ATP8A1: variants seen among roughly 807,000 people sequenced by gnomAD.
The protein encoded by ATP8A1 is phospholipid-transporting ATPase IA.
In ATP8A1, 90 loss-of-function variants were observed where a neutral mutation model predicts 177.7. The observed-to-expected ratio is 0.51, with a 90% confidence interval of 0.43 to 0.60. ATP8A1 has a LOEUF of 0.60. ATP8A1 is among the 20% of genes least tolerant of loss of function. ATP8A1 has a pLI of 0.00. For missense variants in ATP8A1, 1,072 were observed against 1,392.8 expected (o/e 0.77, Z 3.67); for synonymous variants, 493 against 485.9 (o/e 1.01, Z -0.19).
At chr4:42,636,558 A>G (rs2109530704) in intron 1 of ATP8A1, among the ~76,000 whole-genome samples, 1 of 152,352 alleles carries the variant, frequency 6.6e-6, no homozygotes, top group South Asian at 2.1e-4. Flanking sequence ...TAAAATGGAA[A>G]CTATTTAGCA....
Position 42,588,256 on chromosome 4 carries a change from T to A in ATP8A1, c.594+4A>T. The A allele has an allele frequency of 6.2e-7, 1 of 1,605,834 alleles. No individual in the cohort carries two copies. The highest frequency in any genetic ancestry group is 1.1e-5 in the South Asian group (1 of 90,798). ...ATTATACATATACTTGTATCAGATC[T>A]TACCTGTCTAATTTTCAAGTTTGTT... On this transcript the variant is annotated splice_donor_region_variant and intron_variant, in intron 8 of 36. Coordinates refer to ENST00000381668, the MANE Select transcript of ATP8A1 (RefSeq NM_006095.2).
intron 14 of ATP8A1, 64 bp downstream of exon 14, chr4:42,574,555 T>G (rs1028589698): frequency 7.5e-7 from 1 of 1,342,200 alleles, no homozygotes; most frequent in South Asian, 1.3e-5. Flanking sequence ...AACTCCCAAA[T>G]GTACCAAACT....
At chr4:42,646,933 T>C (rs1740598848) in intron 1 of ATP8A1, among the ~76,000 whole-genome samples, 1 of 152,222 alleles carries the variant, frequency 6.6e-6, no homozygotes, top group Non-Finnish European at 1.5e-5. Flanking sequence ...CATAAAAGAA[T>C]ACTACTTAAG....
intron 25 of ATP8A1, among the ~76,000 whole-genome samples, chr4:42,470,709 G>A (rs2153184974): frequency 6.6e-6 from 1 of 152,232 alleles, no homozygotes; most frequent in South Asian, 2.1e-4. Context: ...AGAAGAATAT[G>A]AAGGAACATA....
chr4:42,636,806 T>C (rs1169840900), intron 1 of ATP8A1, among the ~76,000 whole-genome samples: 1 of 152,146 alleles, frequency 6.6e-6, no homozygotes, highest in Non-Finnish European at 1.5e-5. Flanking sequence ...CCTCATTGAC[T>C]TAAAAGTCAG....
chr4:42,465,180 C>G (rs2153183138), intron 25 of ATP8A1, 104 bp from the exon 26 acceptor site: 1 of 985,080 alleles, frequency 1.0e-6, no homozygotes, highest in Middle Eastern at 2.6e-4. Context: ...ATGAATAGTT[C>G]TCTGAAGAAA....
intron 21 of ATP8A1, among the ~76,000 whole-genome samples, 181 bp from the exon 22 acceptor site, chr4:42,522,480 T>A (rs1320273289): frequency 6.6e-6 from 1 of 152,210 alleles, no homozygotes; most frequent in Admixed American, 6.5e-5. Context: ...GTTCCCCTGG[T>A]CTTTAAAATT....
At chr4:42,573,599 C>T (rs371617168) in intron 14 of ATP8A1, among the ~76,000 whole-genome samples, 1 of 152,144 alleles carries the variant, frequency 6.6e-6, no homozygotes, top group East Asian at 1.9e-4. Flanking sequence ...CCTTTTTAAC[C>T]TCGTTTATAC....
chr4:42,409,354 A>G lies in ATP8A1; in HGVS notation c.*3562T>C, dbSNP rs1380574471. The G allele has an allele frequency of 6.6e-6, 1 of 152,200 alleles. No individual in the cohort carries two copies. The highest frequency in any genetic ancestry group is 1.5e-5 in the Non-Finnish European group (1 of 67,990). 9.4% of individuals were successfully genotyped at this position (152,200 alleles called of 1,614,324 possible). ...TTGAAGGTTAATTAAAATGCAGCAA[A>G]GTATAACTACGTTACACAAGTGACT... On this transcript the variant is annotated 3_prime_UTR_variant, in exon 37 of 37. Transcript: ENST00000381668.
chr4:42,610,211 G>T (rs28759333), intron 5 of ATP8A1, among the ~76,000 whole-genome samples: 34,020 of 148,536 alleles, frequency 0.23, 4,322 homozygotes, highest in Non-Finnish European at 0.29. Context: ...TTATCTTCCC[G>T]ACAAGATTAT....
chr4:42,650,487 C>T (rs936356789), intron 1 of ATP8A1, among the ~76,000 whole-genome samples: 2 of 152,152 alleles, frequency 1.3e-5, no homozygotes, highest in Admixed American at 6.6e-5. Context: ...GGAACAAAAA[C>T]CTTAGTCATC....
chr4:42,656,263 G>C (rs924856696), intron 1 of ATP8A1, among the ~76,000 whole-genome samples: 2 of 152,186 alleles, frequency 1.3e-5, no homozygotes, highest in Non-Finnish European at 2.9e-5. Flanking sequence ...ACACAAAAAC[G>C]AAACCTCAGA....
At chr4:42,637,924 C>T (rs535443799) in intron 1 of ATP8A1, among the ~76,000 whole-genome samples, 10 of 152,200 alleles carry the variant, frequency 6.6e-5, no homozygotes, top group Non-Finnish European at 1.5e-4. Context: ...GACCATCATA[C>T]ATCTGACACT....
chr4:42,435,340 A>G (rs1319613308), intron 33 of ATP8A1, among the ~76,000 whole-genome samples: 3 of 149,884 alleles, frequency 2.0e-5, no homozygotes, highest in African/African-American at 7.3e-5. Flanking sequence ...GCAGGACAAT[A>G]GCTTGAACCC....
chr4:42,528,500 C>G (rs951947530), intron 20 of ATP8A1, among the ~76,000 whole-genome samples: 1 of 151,928 alleles, frequency 6.6e-6, no homozygotes, highest in Non-Finnish European at 1.5e-5. Flanking sequence ...AGAAGTTTAA[C>G]CAAGTGGTGA....
chr4:42,549,069 AG>A lies in ATP8A1; in HGVS notation c.1603-8del. The A allele has an allele frequency of 6.2e-7, 1 of 1,606,922 alleles. No individual in the cohort carries two copies. The highest frequency in any genetic ancestry group is 8.5e-7 in the Non-Finnish European group (1 of 1,174,558). On this transcript the variant is annotated splice_region_variant and splice_polypyrimidine_tract_variant and intron_variant, in intron 18 of 36. Transcript: ENST00000381668. ...ATCTTTCTTCCTGCCCCAGCTAAGA[AG>A]AAAAGGAATATATAATTACATACAG... is the stretch of plus-strand genomic sequence containing the variant.
At chr4:42,524,393 CTTCT>C (rs1437834605) in intron 21 of ATP8A1, among the ~76,000 whole-genome samples, 1 of 150,542 alleles carries the variant, frequency 6.6e-6, no homozygotes, top group Non-Finnish European at 1.5e-5. Flanking sequence ...AGGTTTATTT[CTTCT>C]TTCTTATTCA....
chr4:42,436,920 A>G (rs1391150687), intron 33 of ATP8A1, among the ~76,000 whole-genome samples: 3 of 152,258 alleles, frequency 2.0e-5, no homozygotes, highest in South Asian at 2.1e-4. Flanking sequence ...TAGGAAAATC[A>G]TATCACTAAT....
At chr4:42,430,762 GAAT>G (rs1394535232) in intron 33 of ATP8A1, among the ~76,000 whole-genome samples, 1 of 152,106 alleles carries the variant, frequency 6.6e-6, no homozygotes, top group Non-Finnish European at 1.5e-5. Context: ...AGTTTGTTAG[GAAT>G]AATAGTGCTT....
Sources: allele counts gnomAD v4.1 joint callset (sites outside exome capture counted in the v4.1 genomes callset), GRCh38; gene constraint gnomAD v4.1.1; transcripts MANE v1.5; gene names NCBI Gene and HGNC (gene_info 2026-07-23, HGNC 2026-07-21).